The following EPC1 variants were observed in gnomAD, a reference collection of about 807,000 sequenced individuals.
EPC1 encodes enhancer of polycomb 1.
EPC1 carries 12 observed loss-of-function variants against 98.4 expected under a neutral mutation model. That is an observed-to-expected ratio of 0.12 (90% CI 0.08 to 0.20). The LOEUF (loss-of-function observed/expected upper bound fraction) is 0.20. EPC1 is among the 10% of genes least tolerant of loss of function. The probability of loss-of-function intolerance (pLI) is 1.00; values close to 1 mark genes in which losing one functional copy is unlikely to be tolerated. For missense variants in EPC1, 729 were observed against 990.5 expected (o/e 0.74, Z 3.54); for synonymous variants, 357 against 363.9 (o/e 0.98, Z 0.21).
At chr10:32,318,788 G>A (rs17230256) in intron 1 of EPC1, among the ~76,000 whole-genome samples, 16,201 of 152,090 alleles carry the variant, frequency 0.11, 946 homozygotes, top group Admixed American at 0.13. Context: ...TCCATCCCAC[G>A]GCCACAGTTC....
chr10:32,330,490 A>C (rs1404829891), intron 1 of EPC1, among the ~76,000 whole-genome samples: 1 of 152,156 alleles, frequency 6.6e-6, no homozygotes, highest in African/African-American at 2.4e-5. Context: ...CAGCCCCAGC[A>C]ATCGTTTTAG....
At chr10:32,269,621 C>T (rs545428986) in intron 13 of EPC1, 2 of 152,702 alleles carry the variant, frequency 1.3e-5, no homozygotes, top group East Asian at 1.9e-4. Context: ...CTCTGCGTCT[C>T]AGTTTCTTCA....
At chr10:32,300,348 A>G (rs926642172) in intron 2 of EPC1, among the ~76,000 whole-genome samples, 2 of 150,056 alleles carry the variant, frequency 1.3e-5, no homozygotes, top group African/African-American at 2.4e-5. Context: ...GCACCCATTA[A>G]CTCGTCATTT....
intron 2 of EPC1, among the ~76,000 whole-genome samples, chr10:32,303,314 A>C (rs2132806003): frequency 6.6e-6 from 1 of 152,302 alleles, no homozygotes. Context: ...TAAACAAACA[A>C]ACAACAACAA....
In EPC1 at chr10:32,345,701, G is replaced by A. The variant is rs559581160; in HGVS notation, c.153+1062C>T. ...CACAACAAGGTAAAGCCACAGCGAT[G>A]GTAAAATGTCTATTAGTTGTCAACA... On this transcript the variant is annotated intron_variant, in intron 1 of 13. Transcript: ENST00000319778. 2.0e-5 allele frequency: 17 copies of A among 866,912 alleles called. No individual in the cohort carries two copies. The African/African-American group carries it at 2.9e-4, about 15-fold the overall frequency. 53.7% of individuals were successfully genotyped at this position (866,912 alleles called of 1,614,324 possible). A position where few individuals can be genotyped will look rare whatever the true frequency, so the allele number is the denominator to read the frequency against.
In EPC1 at chr10:32,338,121, G is replaced by A. The variant is rs576156326; in HGVS notation, c.153+8642C>T. On this transcript the variant is annotated intron_variant, in intron 1 of 13. Transcript: ENST00000319778. ...ATATTCTCACATATCCAATCAGGAC[G>A]AAAGAGGCACATTTCAAACTGAACA... Among the ~76,000 whole-genome samples the A allele has an allele frequency of 1.4e-4, 22 of 152,246 alleles. No homozygotes were observed. In the South Asian group the frequency reaches 3.3e-3, roughly 23 times the overall value.
intron 1 of EPC1, among the ~76,000 whole-genome samples, chr10:32,371,050 A>G (rs1564570274): frequency 6.6e-6 from 1 of 152,186 alleles, no homozygotes; most frequent in African/African-American, 2.4e-5. Flanking sequence ...TAGAAAGGAC[A>G]TGGAATTTGC....
Position 32,268,937 on chromosome 10 carries a change from T to C in EPC1, c.*126A>G, listed in dbSNP as rs562721758. 2.3e-5 allele frequency: 17 copies of C among 731,240 alleles called. No individual in the cohort carries two copies. In the South Asian group the frequency reaches 2.9e-4, roughly 12 times the overall value. The allele number at this position is 731,240 out of a possible 1,614,324, so 45.3% of individuals were successfully genotyped here. On this transcript the variant is annotated 3_prime_UTR_variant, in exon 14 of 14. Transcript: ENST00000319778. ...AAATTGAAGCATGAGAGATGAGCAT[T>C]GCTGTCAAGTCCCCACAGCTGCCAC...
chr10:32,318,225 T>G (rs575007386), intron 1 of EPC1, among the ~76,000 whole-genome samples: 44 of 152,168 alleles, frequency 2.9e-4, no homozygotes, highest in Non-Finnish European at 6.0e-4. Context: ...AACTGTTATT[T>G]TTTGTTGTAA....
intron 2 of EPC1, among the ~76,000 whole-genome samples, chr10:32,305,507 T>G (rs2479337): frequency 0.28 from 41,907 of 151,798 alleles, 7,299 homozygotes; most frequent in East Asian, 0.46. Flanking sequence ...CTGAGTTTTT[T>G]TTTTTTTTTC....
At chr10:32,378,648 G>T in exon 1 of EPC1, 1 of 522,776 alleles carries the variant, frequency 1.9e-6, no homozygotes, top group Non-Finnish European at 3.3e-6. Flanking sequence ...TTTCTTCCAT[G>T]ATCGGTGGCC....
At chr10:32,298,087 G>A (rs1350874727) in intron 2 of EPC1, among the ~76,000 whole-genome samples, 1 of 152,146 alleles carries the variant, frequency 6.6e-6, no homozygotes, top group East Asian at 1.9e-4. Context: ...GTGAGCCACC[G>A]CGCCTGGCCA....
At chr10:32,345,497 A>T in intron 1 of EPC1, 1 of 985,542 alleles carries the variant, frequency 1.0e-6, no homozygotes, top group Non-Finnish European at 1.2e-6. Context: ...TGTAGCACAC[A>T]AATCCACGCG....
chr10:32,294,026 A>T (rs1185022637), intron 2 of EPC1, among the ~76,000 whole-genome samples: 4 of 152,232 alleles, frequency 2.6e-5, no homozygotes, highest in African/African-American at 9.6e-5. Flanking sequence ...TATTAAGAAC[A>T]TAAAGCGATC....
At chr10:32,336,357 CG>C (rs1837974113) in intron 1 of EPC1, among the ~76,000 whole-genome samples, 2 of 152,096 alleles carry the variant, frequency 1.3e-5, no homozygotes, top group Non-Finnish European at 2.9e-5. Context: ...TGTGAGCCAC[CG>C]TGCCCGGCCT....
chr10:32,322,502 T>C (rs1237788418), intron 1 of EPC1, among the ~76,000 whole-genome samples: 1 of 152,194 alleles, frequency 6.6e-6, no homozygotes, highest in Non-Finnish European at 1.5e-5. Flanking sequence ...AAACAAAGTA[T>C]CAAGTAGACT....
At chr10:32,297,405 C>A (rs1452267132) in intron 2 of EPC1, among the ~76,000 whole-genome samples, 1 of 151,742 alleles carries the variant, frequency 6.6e-6, no homozygotes, top group Non-Finnish European at 1.5e-5. Flanking sequence ...CCTCACTCAG[C>A]CTCCTGAGTA....
chr10:32,271,200 C>T (rs893699629), intron 13 of EPC1, among the ~76,000 whole-genome samples: 4 of 151,982 alleles, frequency 2.6e-5, no homozygotes, highest in East Asian at 1.9e-4. Flanking sequence ...CATGTTGGAT[C>T]GGCTGTTCTC....
intron 1 of EPC1, among the ~76,000 whole-genome samples, chr10:32,311,829 C>T (rs1473235073): frequency 6.6e-6 from 1 of 152,108 alleles, no homozygotes; most frequent in Non-Finnish European, 1.5e-5. Context: ...CAAAATATAC[C>T]GCATTCACCC....
Sources: gnomAD v4.1 joint callset for allele counts (sites outside exome capture counted in the v4.1 genomes callset) on GRCh38, gnomAD v4.1.1 for gene constraint, MANE v1.5 for transcripts, NCBI Gene and HGNC (gene_info 2026-07-23, HGNC 2026-07-21) for gene names.